The following TAB2 variants were observed in gnomAD, a reference collection of about 807,000 sequenced individuals.
TAB2 encodes TGF-beta activated kinase 1 (MAP3K7) binding protein 2.
TAB2 carries 3 observed loss-of-function variants against 65.0 expected under a neutral mutation model. That is an observed-to-expected ratio of 0.05 (90% CI 0.02 to 0.12). TAB2 has a LOEUF of 0.12. Ranked by LOEUF, TAB2 falls within the 10% of genes least tolerant of loss-of-function variation. TAB2 has a pLI of 1.00. For missense variants in TAB2, 623 were observed against 840.3 expected, an observed-to-expected ratio of 0.74 and a Z score of 3.20; for synonymous variants, 298 against 285.1, an observed-to-expected ratio of 1.05 and a Z score of -0.46.
intron 2 of TAB2, among the ~76,000 whole-genome samples, chr6:149,371,614 T>A (rs1781229783): frequency 6.6e-6 from 1 of 152,174 alleles, no homozygotes; most frequent in African/African-American, 2.4e-5. Context: ...TTTTCTGACT[T>A]TCATTTCCTC....
chr6:149,266,912 A>C (rs1007640460), intron 1 of TAB2, among the ~76,000 whole-genome samples: 1 of 152,192 alleles, frequency 6.6e-6, no homozygotes, highest in Non-Finnish European at 1.5e-5. Context: ...GCAAAAGGGG[A>C]ACACCCCAGT....
At chr6:149,346,009 T>A (rs950540389) in intron 1 of TAB2, among the ~76,000 whole-genome samples, 1 of 152,172 alleles carries the variant, frequency 6.6e-6, no homozygotes, top group African/African-American at 2.4e-5. Context: ...ATTGAGGTTG[T>A]TTTTAGAAGC....
At chr6:149,259,734 G>A (rs1778114014) in intron 1 of TAB2, among the ~76,000 whole-genome samples, 1 of 152,156 alleles carries the variant, frequency 6.6e-6, no homozygotes, top group African/African-American at 2.4e-5. Flanking sequence ...TCTCCATGGT[G>A]CTGAGAGGTC....
chr6:149,403,285 C>T (rs202228528), intron 6 of TAB2, among the ~76,000 whole-genome samples: 1,246 of 21,692 alleles, frequency 0.057, 30 homozygotes, highest in African/African-American at 0.18. Flanking sequence ...TATATATATA[C>T]ACACACACAC....
At chr6:149,276,094 TAA>T (rs142279433) in intron 1 of TAB2, among the ~76,000 whole-genome samples, 2,120 of 152,302 alleles carry the variant, frequency 0.014, 45 homozygotes, top group African/African-American at 0.049. Context: ...AAGAGGTTAA[TAA>T]TAGGGAAAAC....
At chr6:149,331,774 T>C (rs1212667571) in intron 1 of TAB2, among the ~76,000 whole-genome samples, 3 of 152,180 alleles carry the variant, frequency 2.0e-5, no homozygotes, top group Non-Finnish European at 4.4e-5. Flanking sequence ...TTTTTCTACA[T>C]CAATTGATAT....
chr6:149,332,689 TTACAGA>T (rs2114756883), intron 1 of TAB2, among the ~76,000 whole-genome samples: 1 of 152,272 alleles, frequency 6.6e-6, no homozygotes, highest in African/African-American at 2.4e-5. Flanking sequence ...AACATTTATC[TTACAGA>T]TAAAAACAGC....
intron 1 of TAB2, among the ~76,000 whole-genome samples, chr6:149,232,216 CAG>C (rs1297619798): frequency 6.6e-6 from 1 of 152,026 alleles, no homozygotes; most frequent in Non-Finnish European, 1.5e-5. Flanking sequence ...CCCACAGACA[CAG>C]AAACAAAGGG....
intron 1 of TAB2, among the ~76,000 whole-genome samples, chr6:149,330,704 A>G (rs1476778813): frequency 6.6e-6 from 1 of 152,190 alleles, no homozygotes; most frequent in East Asian, 1.9e-4. Context: ...CGTGATTTAC[A>G]AATACTTTCT....
intron 1 of TAB2, among the ~76,000 whole-genome samples, chr6:149,359,689 C>G (rs1056351159): frequency 6.6e-6 from 1 of 152,184 alleles, no homozygotes. Flanking sequence ...ACTCTTCTCC[C>G]CCACATATCA....
chr6:149,229,353 G>T (rs1440581896), intron 1 of TAB2, among the ~76,000 whole-genome samples: 1 of 151,912 alleles, frequency 6.6e-6, no homozygotes, highest in Non-Finnish European at 1.5e-5. Context: ...CAAAGAAAAC[G>T]TGTGCTCCAT....
At chr6:149,239,296 T>C (rs1777554435) in intron 1 of TAB2, among the ~76,000 whole-genome samples, 1 of 152,154 alleles carries the variant, frequency 6.6e-6, no homozygotes, top group South Asian at 2.1e-4. Context: ...AAACCTGGCC[T>C]GGAGTTGCCA....
chr6:149,357,988 A>G (rs1270838195), intron 1 of TAB2, among the ~76,000 whole-genome samples: 1 of 152,242 alleles, frequency 6.6e-6, no homozygotes, highest in Admixed American at 6.5e-5. Context: ...GGCGTGAGCC[A>G]TCACGCCCGG....
intron 6 of TAB2, among the ~76,000 whole-genome samples, chr6:149,408,739 T>A: frequency 6.6e-6 from 1 of 152,202 alleles, no homozygotes. Context: ...ATGTAATCGC[T>A]TGTTAGAGAT....
Position 149,255,808 on chromosome 6 carries a change from T to G in TAB2, c.-121+37032T>G, listed in dbSNP as rs546817473. 1.6e-4 allele frequency among the ~76,000 whole-genome samples: 25 copies of G among 152,350 alleles called. No homozygotes were observed. The South Asian group carries it at 3.7e-3, about 23-fold the overall frequency. ...AGTAATCAAGAAGTCATATTTACAT[T>G]TAGAATTGCCTCTCTTTTCATGCCA... is the stretch of plus-strand genomic sequence containing the variant. On this transcript the variant is annotated intron_variant, in intron 1 of 1. Transcript: ENST00000606202.
At chr6:149,260,876 C>A (rs1217471709) in intron 1 of TAB2, among the ~76,000 whole-genome samples, 1 of 152,236 alleles carries the variant, frequency 6.6e-6, no homozygotes, top group Admixed American at 6.5e-5. Context: ...TCGTTTCCCA[C>A]ATGAAATGTA....
chr6:149,320,784 T>A (rs968332681), intron 1 of TAB2, among the ~76,000 whole-genome samples: 6 of 152,228 alleles, frequency 3.9e-5, no homozygotes, highest in Non-Finnish European at 7.3e-5. Context: ...ATAATCTTTA[T>A]AATATATAAA....
chr6:149,262,551 C>A (rs937588764), intron 1 of TAB2, among the ~76,000 whole-genome samples: 5 of 151,480 alleles, frequency 3.3e-5, no homozygotes, highest in Admixed American at 2.6e-4. Context: ...AAAAAAATCT[C>A]ATATGCTAGA....
upstream of TAB2, chr6:149,317,433 G>A (rs1779285694): frequency 1.7e-5 from 3 of 174,022 alleles, no homozygotes; most frequent in South Asian, 2.4e-4. This position sits in a 1 kb window ranked among gnomAD's most constrained non-coding sequence, Gnocchi z 4.7. Context: ...CGCCGCCGCC[G>A]CCGCCTGCTG....
Sources: allele counts gnomAD v4.1 joint callset (sites outside exome capture counted in the v4.1 genomes callset), GRCh38; gene constraint gnomAD v4.1.1; non-coding constraint Gnocchi (gnomAD v3.1); transcripts MANE v1.5; gene names NCBI Gene and HGNC (gene_info 2026-07-23, HGNC 2026-07-21).